The following CEP104 variants were observed in gnomAD, a reference collection of about 807,000 sequenced individuals.
The protein encoded by CEP104 is centrosomal protein of 104 kDa.
CEP104 carries 84 observed loss-of-function variants against 113.3 expected under a neutral mutation model. The ratio of observed to expected loss-of-function variants is 0.74; its 90% CI spans 0.62 to 0.89. The LOEUF (loss-of-function observed/expected upper bound fraction) is 0.89. CEP104 is among the 40% of genes least tolerant of loss of function. The probability of loss-of-function intolerance (pLI) is 0.00; values close to 1 mark genes in which losing one functional copy is unlikely to be tolerated. For synonymous variants in CEP104, 378 were observed against 421.7 expected (o/e 0.90, Z 1.27); for missense variants, 1,053 against 1,156.6 (o/e 0.91, Z 1.30).
intron 8 of CEP104, 122 bp from the exon 9 acceptor site, chr1:3,837,641 GA>G: frequency 1.2e-6 from 1 of 840,686 alleles, no homozygotes; most frequent in Non-Finnish European, 1.8e-6. Flanking sequence ...TTGGCACAAT[GA>G]AAAATTTCAA....
Position 3,837,187 on chromosome 1 carries a change from G to A in CEP104, c.1119+105C>T. On this transcript the variant is annotated intron_variant, in intron 9 of 21. Transcript: ENST00000378230. ...AATGGAACAGAGGTGGGTCTGGCTG[G>A]GGAGCACTCATGCACCCCATGCATG... is the stretch of plus-strand genomic sequence containing the variant. The A allele has an allele frequency of 8.9e-6, 8 of 896,678 alleles. No homozygotes were observed. The South Asian group carries it at 1.1e-4, about 13-fold the overall frequency. 55.5% of individuals were successfully genotyped at this position (896,678 alleles called of 1,614,324 possible).
intron 20 of CEP104, 48 bp from the exon 21 acceptor site, chr1:3,816,418 G>C (rs1376054415): frequency 1.2e-5 from 17 of 1,455,336 alleles, no homozygotes; most frequent in Non-Finnish European, 1.6e-5. Context: ...AGACGGACCT[G>C]GCACGCTACC....
chr1:3,824,627 C>A (rs773670800), intron 18 of CEP104, among the ~76,000 whole-genome samples: 29 of 152,140 alleles, frequency 1.9e-4, no homozygotes, highest in Admixed American at 1.3e-3. Flanking sequence ...AAAGAACGGC[C>A]CCAAATCAAT....
At chr1:3,853,831 C>A (rs4130539) in intron 1 of CEP104, among the ~76,000 whole-genome samples, 139,912 of 152,206 alleles carry the variant, frequency 0.92, 64,981 homozygotes, top group Middle Eastern at 0.97. Context: ...GTGGTGGTTC[C>A]TGCCTATAAT....
chr1:3,814,085 C>A lies in CEP104; in HGVS notation c.*1317G>T, dbSNP rs748599807. ...GGTTGGCAATTAAAACATATTTATA[C>A]ACTAATTGCATTAATGCAAACTCCA... On this transcript the variant is annotated 3_prime_UTR_variant, in exon 22 of 22. Coordinates refer to ENST00000378230, the MANE Select transcript of CEP104 (RefSeq NM_014704.4). 1 of 152,180 alleles carries A rather than the reference C, an allele frequency of 6.6e-6. No homozygotes were observed. Among genetic ancestry groups the A allele is most frequent in the African/African-American group, 2.4e-5 (1 of 41,438 alleles). The allele number at this position is 152,180 out of a possible 1,614,324, so 9.4% of individuals were successfully genotyped here. A position where few individuals can be genotyped will look rare whatever the true frequency, so the allele number is the denominator to read the frequency against.
intron 6 of CEP104, among the ~76,000 whole-genome samples, chr1:3,844,646 C>T (rs763306018): frequency 7.8e-6 from 1 of 128,424 alleles, no homozygotes; most frequent in Non-Finnish European, 1.6e-5. Context: ...TATAGTGAGC[C>T]GAGATTGTGC....
chr1:3,847,966 C>CT, intron 3 of CEP104, among the ~76,000 whole-genome samples: 1 of 152,200 alleles, frequency 6.6e-6, no homozygotes, highest in Admixed American at 6.5e-5. Context: ...TCCCAAGTAG[C>CT]TGGGATTATA....
intron 20 of CEP104, among the ~76,000 whole-genome samples, chr1:3,817,648 C>T (rs991419842): frequency 3.9e-5 from 6 of 152,226 alleles, no homozygotes; most frequent in African/African-American, 1.4e-4. Flanking sequence ...CCCACCGGCA[C>T]ATGGGGTGCA....
In CEP104 at chr1:3,833,994, T is replaced by C. The variant is rs746987290; in HGVS notation, c.1527A>G (p.Thr509=). Residue 509 remains threonine, a synonymous_variant, in exon 12 of 22, where the codon ACA becomes ACG. Transcript: ENST00000378230. ...ASLKLLKMII[T]QYIPKHKLSK... ...TCAGTTTATGTTTAGGAATATATTG[T>C]GTAATGATCATTTTCAACAATTTCA... 1.2e-6 allele frequency: 2 copies of C among 1,613,778 alleles called. No homozygotes were observed. The highest frequency in any genetic ancestry group is 2.2e-5 in the East Asian group (1 of 44,882).
chr1:3,838,466 C>G (rs1471498607), intron 8 of CEP104, among the ~76,000 whole-genome samples: 3 of 152,210 alleles, frequency 2.0e-5, no homozygotes, highest in Non-Finnish European at 4.4e-5. Flanking sequence ...AGTGTGCACT[C>G]TCAATCACTA....
At chr1:3,836,742 C>T in intron 9 of CEP104, 50 bp from the exon 10 acceptor site, 13 of 1,551,632 alleles carry the variant, frequency 8.4e-6, no homozygotes, top group East Asian at 2.2e-5. Flanking sequence ...CCATAGGTCA[C>T]ATTCTCCAGT....
chr1:3,850,904 G>A (rs1343929813), intron 2 of CEP104, among the ~76,000 whole-genome samples: 2 of 152,252 alleles, frequency 1.3e-5, no homozygotes, highest in Non-Finnish European at 2.9e-5. Flanking sequence ...GTGGCTGTGT[G>A]TATACTTGAG....
chr1:3,817,529 C>T (rs1334537267), intron 20 of CEP104, among the ~76,000 whole-genome samples: 1 of 152,164 alleles, frequency 6.6e-6, no homozygotes, highest in East Asian at 1.9e-4. Context: ...CAGCCCAGCC[C>T]ACTCCTGTCC....
Position 3,831,245 on chromosome 1 carries a change from T to C in CEP104, c.1660-23A>G, listed in dbSNP as rs1202964203. ...TTCCTATGAAAGCCAAGGTAATTTGTTAATTTTTACTGGAAAATGCTGGAG... is the reference window on the plus strand; with the variant it reads ...TTCCTATGAAAGCCAAGGTAATTTGCTAATTTTTACTGGAAAATGCTGGAG... On this transcript the variant is annotated intron_variant, in intron 12 of 21. Coordinates refer to ENST00000378230, the MANE Select transcript of CEP104 (RefSeq NM_014704.4). The C allele has an allele frequency of 4.8e-5, 77 of 1,602,538 alleles. No homozygotes were observed. The Admixed American group carries it at 1.3e-3, about 27-fold the overall frequency.
chr1:3,817,672 C>T (rs1419424655), intron 20 of CEP104, among the ~76,000 whole-genome samples: 1 of 152,210 alleles, frequency 6.6e-6, no homozygotes, highest in African/African-American at 2.4e-5. Flanking sequence ...GCTTCCCCCT[C>T]CCCCGTGGAG....
intron 2 of CEP104, among the ~76,000 whole-genome samples, chr1:3,849,177 G>C (rs1354741026): frequency 6.6e-6 from 1 of 151,954 alleles, no homozygotes; most frequent in Non-Finnish European, 1.5e-5. Flanking sequence ...CAATATTTAA[G>C]GAGTGCCTGC....
At chr1:3,847,381 CA>C in intron 4 of CEP104, 93 bp downstream of exon 4, 2 of 1,213,558 alleles carry the variant, frequency 1.6e-6, no homozygotes, top group Non-Finnish European at 1.2e-6. Context: ...CTTATAAGAT[CA>C]CCTTGAAAAT....
rs745318217 is a variant in CEP104 at position 3,823,550 on chromosome 1, A to G, written c.2377T>C (p.Ser793Pro). The change falls in exon 19 of 22, where the codon TCC becomes CCC. Residue 793 changes from serine (S) to proline (P), a missense_variant. Coordinates refer to ENST00000378230, the MANE Select transcript of CEP104 (RefSeq NM_014704.4). The surrounding 1 kb of genome is among the most constrained non-coding windows in gnomAD (Gnocchi z 4.1). Reference sequence around the variant, plus strand: ...GTCAGCAAGTGCTCCGTCAGACTGGATATCTCGACCACCTGGATTTCGAAA... The same window carrying G: ...GTCAGCAAGTGCTCCGTCAGACTGGGTATCTCGACCACCTGGATTTCGAAA... ...CDHCKQVVEI[S>P]SLTEHLLTEC... is the part of the protein sequence containing the mutation. 1.1e-5 allele frequency: 17 copies of G among 1,614,076 alleles called. No homozygotes were observed. The highest frequency in any genetic ancestry group is 1.4e-5 in the Non-Finnish European group (16 of 1,180,052).
Position 3,838,970 on chromosome 1 carries a change from G to A in CEP104, c.885C>T (p.Ala295=), listed in dbSNP as rs370148973. ...EQLELHSLLD[A]ELMRRPFDLP... Reference sequence around the variant, plus strand: ...TCTGGGCTCCTGCACCCACCAGCTCGGCATCCAGGAGGCTGTGCAGCTCCA... The same window carrying A: ...TCTGGGCTCCTGCACCCACCAGCTCAGCATCCAGGAGGCTGTGCAGCTCCA... Residue 295 remains alanine (A), a synonymous_variant, in exon 8 of 22, where the codon GCC becomes GCT. Transcript: ENST00000378230. The A allele has an allele frequency of 2.5e-5, 41 of 1,613,844 alleles. No individual in the cohort carries two copies. Among genetic ancestry groups the A allele is most frequent in the Admixed American group, 2.3e-4 (14 of 59,976 alleles).
Sources: gnomAD v4.1 joint callset for allele counts (sites outside exome capture counted in the v4.1 genomes callset) on GRCh38, gnomAD v4.1.1 for gene constraint, Gnocchi (gnomAD v3.1) non-coding constraint, MANE v1.5 for transcripts, NCBI Gene and HGNC (gene_info 2026-07-23, HGNC 2026-07-21) for gene names.